Variants in PBRM1 observed in about 807,000 individuals in gnomAD.
The protein encoded by PBRM1 is polybromo 1, also known as protein polybromo-1.
In PBRM1, 27 loss-of-function variants were observed where a neutral mutation model predicts 194.5. The observed-to-expected ratio is 0.14, with a 90% CI of 0.10 to 0.19. The LOEUF (loss-of-function observed/expected upper bound fraction) is 0.19, where lower values mean the gene tolerates loss of function less well. Ranked by LOEUF, PBRM1 falls within the 10% of genes least tolerant of loss-of-function variation. The probability of loss-of-function intolerance (pLI) is 1.00; values close to 1 mark genes in which losing one functional copy is unlikely to be tolerated. For synonymous variants in PBRM1, 655 were observed against 693.2 expected (o/e 0.94, Z 0.87); for missense variants, 1,466 against 2,077.2 (o/e 0.71, Z 5.72).
intron 11 of PBRM1, among the ~76,000 whole-genome samples, chr3:52,632,067 T>C (rs901437699): frequency 6.6e-6 from 1 of 152,248 alleles, no homozygotes; most frequent in Non-Finnish European, 1.5e-5. Context: ...AAATTTTAGC[T>C]ATTGTGAATG....
chr3:52,612,557 T>C (rs1426656837), intron 15 of PBRM1, among the ~76,000 whole-genome samples: 1 of 152,130 alleles, frequency 6.6e-6, no homozygotes, highest in Non-Finnish European at 1.5e-5. Flanking sequence ...TTCAATGAGT[T>C]ACTGGCATGT....
At chr3:52,617,567 A>C (rs775658719) in intron 13 of PBRM1, 29 bp from the exon 16 acceptor site, 1 of 1,542,784 alleles carries the variant, frequency 6.5e-7, no homozygotes, top group South Asian at 1.2e-5. Context: ...AAAAGGGGAA[A>C]AATTAGAATA....
At chr3:52,593,147 C>G (rs1350094244) in intron 17 of PBRM1, among the ~76,000 whole-genome samples, 1 of 152,202 alleles carries the variant, frequency 6.6e-6, no homozygotes, top group African/African-American at 2.4e-5. Flanking sequence ...TCTCAGTCTC[C>G]TTCAGTTTTC....
intron 5 of PBRM1, among the ~76,000 whole-genome samples, chr3:52,652,700 T>A (rs2878632): frequency 0.44 from 59,732 of 136,414 alleles, 12,480 homozygotes; most frequent in South Asian, 0.71. Context: ...AAAAAAAAAA[T>A]AAATAATCTA....
At chr3:52,583,837 G>A (rs2091882696) in intron 20 of PBRM1, among the ~76,000 whole-genome samples, 1 of 152,082 alleles carries the variant, frequency 6.6e-6, no homozygotes, top group Non-Finnish European at 1.5e-5. Context: ...TAGAGACAAG[G>A]TCTTGCTATG....
chr3:52,555,821 A>G (rs923328701), intron 26 of PBRM1, among the ~76,000 whole-genome samples: 1 of 152,250 alleles, frequency 6.6e-6, no homozygotes, highest in African/African-American at 2.4e-5. Context: ...TTCAGCAAAC[A>G]AGTATTTTTG....
chr3:52,619,973 A>C (rs1252888080), intron 13 of PBRM1, among the ~76,000 whole-genome samples: 1 of 152,218 alleles, frequency 6.6e-6, no homozygotes, highest in African/African-American at 2.4e-5. Flanking sequence ...TGTGGACCTC[A>C]GACAATTCCT....
intron 1 of PBRM1, chr3:52,684,911 C>A (rs896422177): frequency 3.3e-5 from 5 of 152,048 alleles, no homozygotes; most frequent in African/African-American, 9.7e-5. Context: ...CAAATATGGG[C>A]GACCTGTAAG....
intron 18 of PBRM1, among the ~76,000 whole-genome samples, chr3:52,587,933 T>C (rs1199287543): frequency 6.6e-6 from 1 of 152,046 alleles, no homozygotes; most frequent in African/African-American, 2.4e-5. Flanking sequence ...TGGGCTCAAG[T>C]GATCCTCCTG....
intron 20 of PBRM1, among the ~76,000 whole-genome samples, chr3:52,582,399 C>A (rs1210158865): frequency 6.7e-6 from 1 of 149,994 alleles, no homozygotes; most frequent in Non-Finnish European, 1.5e-5. Context: ...ATGCTGACTT[C>A]CATTGATAAT....
chr3:52,675,420 C>T (rs139731249), intron 2 of PBRM1, among the ~76,000 whole-genome samples: 5 of 152,320 alleles, frequency 3.3e-5, no homozygotes, highest in Non-Finnish European at 5.9e-5. Flanking sequence ...AAGAAAACTA[C>T]TGATCAATAT....
At chr3:52,607,429 T>G (rs1011622043) in intron 16 of PBRM1, among the ~76,000 whole-genome samples, 1 of 152,130 alleles carries the variant, frequency 6.6e-6, no homozygotes, top group Non-Finnish European at 1.5e-5. Flanking sequence ...AAAACAACCA[T>G]GTCAACAATG....
intron 3 of PBRM1, among the ~76,000 whole-genome samples, chr3:52,666,943 C>T (rs1000853657): frequency 1.3e-5 from 2 of 150,408 alleles, no homozygotes; most frequent in Non-Finnish European, 1.5e-5. Flanking sequence ...AGAAATAGAA[C>T]GGCCTAGTAA....
At chr3:52,631,332 G>T (rs1577096881) in intron 11 of PBRM1, among the ~76,000 whole-genome samples, 1 of 151,624 alleles carries the variant, frequency 6.6e-6, no homozygotes, top group South Asian at 2.1e-4. Flanking sequence ...AATTATTACT[G>T]ATCAAATGGT....
intron 10 of PBRM1, among the ~76,000 whole-genome samples, chr3:52,636,795 T>C (rs1305948672): frequency 2.1e-5 from 2 of 96,766 alleles, no homozygotes; most frequent in Non-Finnish European, 4.5e-5. Context: ...AAGAATTTAA[T>C]TAGGCCAGGC....
At chr3:52,647,985 T>C (rs2096375272) in intron 7 of PBRM1, among the ~76,000 whole-genome samples, 1 of 152,018 alleles carries the variant, frequency 6.6e-6, no homozygotes, top group African/African-American at 2.4e-5. Context: ...CTCAGCTCAC[T>C]GCAACCTCTG....
chr3:52,679,462 G>A (rs2097167226), intron 1 of PBRM1, 112 bp downstream of exon 2: 1 of 908,362 alleles, frequency 1.1e-6, no homozygotes. Context: ...TATTAATCAA[G>A]AGAATCTTAA....
intron 17 of PBRM1, among the ~76,000 whole-genome samples, chr3:52,593,437 A>T (rs995808361): frequency 9.2e-5 from 14 of 152,146 alleles, no homozygotes; most frequent in African/African-American, 3.4e-4. Context: ...AGGTTTTGCC[A>T]TGTTGGCTAG....
intron 6 of PBRM1, among the ~76,000 whole-genome samples, chr3:52,650,283 A>G (rs2096452189): frequency 6.9e-6 from 1 of 144,572 alleles, no homozygotes; most frequent in Non-Finnish European, 1.5e-5. Context: ...GAATGACTTG[A>G]GTCCAAGAGG....
Sources: gnomAD v4.1 joint callset for allele counts (sites outside exome capture counted in the v4.1 genomes callset) on GRCh38, gnomAD v4.1.1 for gene constraint, MANE v1.5 for transcripts, NCBI Gene and HGNC (gene_info 2026-07-23, HGNC 2026-07-21) for gene names.